The following SDK1 variants were observed in gnomAD, a reference collection of about 807,000 sequenced individuals.
The protein encoded by SDK1 is sidekick cell adhesion molecule 1, also known as protein sidekick-1.
In SDK1, 157 loss-of-function variants were observed where a neutral mutation model predicts 245.5. That is an observed-to-expected ratio of 0.64 (90% CI 0.56 to 0.73). SDK1 has a LOEUF of 0.73. Among genes scored for constraint, SDK1 ranks in the 30% least tolerant of loss-of-function variants. The pLI is 0.00. For missense variants in SDK1, 3,583 were observed against 3,002.3 expected (o/e 1.19, Z -4.52); for synonymous variants, 1,647 against 1,278.5 (o/e 1.29, Z -6.15).
chr7:3,879,850 G>A (rs1316655693), intron 5 of SDK1, among the ~76,000 whole-genome samples: 4 of 152,248 alleles, frequency 2.6e-5, no homozygotes, highest in Middle Eastern at 3.4e-3. Flanking sequence ...TAACCTTTGC[G>A]CGGCTGTCAC....
At chr7:3,918,188 C>G (rs1779451770) in intron 5 of SDK1, among the ~76,000 whole-genome samples, 1 of 152,190 alleles carries the variant, frequency 6.6e-6, no homozygotes, top group Admixed American at 6.5e-5. Flanking sequence ...CCTCTCAACA[C>G]CGCGGTACCC....
At chr7:3,806,478 A>T (rs565853225) in intron 4 of SDK1, among the ~76,000 whole-genome samples, 1 of 152,350 alleles carries the variant, frequency 6.6e-6, no homozygotes, top group East Asian at 1.9e-4. Flanking sequence ...GAGCTCTGTG[A>T]TGCTCACCCT....
intron 5 of SDK1, among the ~76,000 whole-genome samples, chr7:3,836,161 G>A (rs530432211): frequency 1.3e-4 from 20 of 152,274 alleles, no homozygotes; most frequent in Admixed American, 9.2e-4. Context: ...TGAGCCACGT[G>A]GAATAACACT....
At chr7:3,551,997 T>C (rs886545420) in intron 1 of SDK1, among the ~76,000 whole-genome samples, 8 of 152,170 alleles carry the variant, frequency 5.3e-5, no homozygotes, top group African/African-American at 9.7e-5. Flanking sequence ...CGGGTTGTAG[T>C]GTGATACAAC....
Position 3,713,060 on chromosome 7 carries a change from G to T in SDK1, c.713+70955G>T, listed in dbSNP as rs546388929. 7.9e-5 allele frequency among the ~76,000 whole-genome samples: 12 copies of T among 152,370 alleles called. No individual in the cohort carries two copies. In the East Asian group the frequency reaches 2.3e-3, roughly 29 times the overall value. ...GCCCATGTGGCTGGGGCATGGCAGG[G>T]TGCCAGGAGGCAGGTGCTGCGTCCC... On this transcript the variant is annotated intron_variant, in intron 4 of 44. Transcript: ENST00000404826.
intron 30 of SDK1, among the ~76,000 whole-genome samples, chr7:4,152,369 T>G (rs1780442592): frequency 6.6e-6 from 1 of 152,198 alleles, no homozygotes; most frequent in Non-Finnish European, 1.5e-5. Context: ...CAGGGGAGTA[T>G]GGCCAGGTGC....
At chr7:4,202,338 CCT>C (rs1783936290) in intron 35 of SDK1, among the ~76,000 whole-genome samples, 1 of 152,326 alleles carries the variant, frequency 6.6e-6, no homozygotes, top group South Asian at 2.1e-4. Context: ...AGTGCTGGTC[CCT>C]CCCGCTGCCG....
At chr7:3,511,969 G>A (rs1782595205) in intron 1 of SDK1, among the ~76,000 whole-genome samples, 1 of 150,214 alleles carries the variant, frequency 6.7e-6, no homozygotes, top group African/African-American at 2.5e-5. Flanking sequence ...TTGACACCAG[G>A]ATCACCTGAA....
At chr7:4,037,486 A>T (rs890462317) in intron 17 of SDK1, among the ~76,000 whole-genome samples, 1 of 151,880 alleles carries the variant, frequency 6.6e-6, no homozygotes, top group Non-Finnish European at 1.5e-5. Flanking sequence ...GATTGTGATG[A>T]CTCATCTGTA....
At chr7:3,794,053 A>T (rs1778898660) in intron 4 of SDK1, among the ~76,000 whole-genome samples, 1 of 152,198 alleles carries the variant, frequency 6.6e-6, no homozygotes, top group Admixed American at 6.5e-5. Flanking sequence ...CATCTTTAAG[A>T]AGCATGCTAT....
chr7:4,237,050 G>A (rs184643773), intron 41 of SDK1, among the ~76,000 whole-genome samples: 81 of 152,048 alleles, frequency 5.3e-4, no homozygotes, highest in Admixed American at 1.3e-3. Flanking sequence ...GGGACTACAG[G>A]TGTGCCACCA....
intron 1 of SDK1, among the ~76,000 whole-genome samples, chr7:3,444,051 G>T (rs762777514): frequency 1.3e-5 from 2 of 152,204 alleles, no homozygotes; most frequent in Non-Finnish European, 2.9e-5. Context: ...TCCTGCCTGC[G>T]CCAGCTCTCT....
chr7:3,767,796 A>C (rs1162982305), intron 4 of SDK1, among the ~76,000 whole-genome samples: 3 of 152,152 alleles, frequency 2.0e-5, no homozygotes, highest in Non-Finnish European at 4.4e-5. Flanking sequence ...CAAACAAAAA[A>C]CAACTTAGGA....
At chr7:3,517,915 C>CT (rs1371794796) in intron 1 of SDK1, among the ~76,000 whole-genome samples, 2 of 152,056 alleles carry the variant, frequency 1.3e-5, no homozygotes, top group Non-Finnish European at 2.9e-5. Flanking sequence ...GTGACTAAGT[C>CT]TTTTTTCTCA....
intron 1 of SDK1, among the ~76,000 whole-genome samples, chr7:3,347,950 A>C (rs1780552783): frequency 6.6e-6 from 1 of 151,682 alleles, no homozygotes; most frequent in Non-Finnish European, 1.5e-5. Context: ...GGTTCACTTT[A>C]AGTGTAAGTA....
At chr7:4,143,448 G>A (rs982126989) in intron 28 of SDK1, among the ~76,000 whole-genome samples, 2 of 152,150 alleles carry the variant, frequency 1.3e-5, no homozygotes, top group African/African-American at 4.8e-5. Context: ...TGAGCCCCCA[G>A]AGCCCTCCTG....
intron 22 of SDK1, among the ~76,000 whole-genome samples, chr7:4,090,149 C>A (rs1417298040): frequency 6.6e-6 from 1 of 152,190 alleles, no homozygotes; most frequent in Non-Finnish European, 1.5e-5. Flanking sequence ...AGTTATTTTG[C>A]TAACTTGACT....
intron 28 of SDK1, among the ~76,000 whole-genome samples, chr7:4,141,530 A>C (rs1177821322): frequency 6.6e-6 from 1 of 152,234 alleles, no homozygotes; most frequent in East Asian, 1.9e-4. Flanking sequence ...AGACATAGTC[A>C]CTGAAAGGCA....
intron 1 of SDK1, among the ~76,000 whole-genome samples, chr7:3,418,145 G>GCAAAAAAAAAAAAAAAAAAAA (rs1292199670): frequency 1.6e-4 from 19 of 119,726 alleles, no homozygotes; most frequent in African/African-American, 6.6e-4. Flanking sequence ...TACTAAAAAT[G>GCAAAAAAAAAAAAAAAAAAAA]AAAAAAAAAA....
Sources: allele counts gnomAD v4.1 joint callset (sites outside exome capture counted in the v4.1 genomes callset), GRCh38; gene constraint gnomAD v4.1.1; transcripts MANE v1.5; gene names NCBI Gene and HGNC (gene_info 2026-07-23, HGNC 2026-07-21).